The following P3H2 variants were observed in gnomAD, a reference collection of about 807,000 sequenced individuals.
P3H2 encodes the protein prolyl 3-hydroxylase 2, also known as leprecan-like 1.
Under a neutral mutation model 87.0 loss-of-function variants are expected in P3H2, and 80 were observed. The ratio of observed to expected loss-of-function variants is 0.92; its 90% CI spans 0.77 to 1.11. The LOEUF is 1.11. P3H2 is among the 50% of genes least tolerant of loss of function. The pLI, the probability that P3H2 is intolerant of heterozygous loss-of-function variation, is 0.00. For missense variants in P3H2, 1,001 were observed against 923.9 expected (o/e 1.08, Z -1.08); for synonymous variants, 367 against 359.3 (o/e 1.02, Z -0.24).
At chr3:190,051,307 T>C (rs935398921) in intron 1 of P3H2, among the ~76,000 whole-genome samples, 5 of 152,108 alleles carry the variant, frequency 3.3e-5, no homozygotes, top group Non-Finnish European at 7.4e-5. Flanking sequence ...TAACATTTGT[T>C]TTTTCTCTAT....
intron 1 of P3H2, among the ~76,000 whole-genome samples, chr3:190,020,622 G>A (rs1309953639): frequency 7.5e-6 from 1 of 133,462 alleles, no homozygotes; most frequent in African/African-American, 2.6e-5. Context: ...TCTCATCAGT[G>A]CCAGATACAC....
intron 1 of P3H2, among the ~76,000 whole-genome samples, chr3:190,027,101 G>C (rs561091534): frequency 6.6e-6 from 1 of 152,222 alleles, no homozygotes; most frequent in African/African-American, 2.4e-5. Flanking sequence ...ACTTACATAT[G>C]ACAAAACTGA....
intron 8 of P3H2, among the ~76,000 whole-genome samples, chr3:189,976,093 T>G (rs906240685): frequency 6.9e-6 from 1 of 144,158 alleles, no homozygotes; most frequent in Admixed American, 7.1e-5. Flanking sequence ...AATAAAAAGC[T>G]ACCTTCCACA....
upstream of P3H2, chr3:190,121,445 T>C (rs1415595934): frequency 2.0e-5 from 3 of 152,074 alleles, no homozygotes; most frequent in Admixed American, 6.5e-5. Context: ...CCTAAATGCA[T>C]AGAGCTGAGA....
At chr3:189,974,475 C>T (rs1310839646) in intron 9 of P3H2, 83 bp downstream of exon 9, 6 of 1,565,198 alleles carry the variant, frequency 3.8e-6, no homozygotes, top group Middle Eastern at 4.6e-4. Flanking sequence ...TGTTGTCTGG[C>T]TCCAGATGAG....
At chr3:190,004,251 C>T (rs1015439760) in intron 1 of P3H2, among the ~76,000 whole-genome samples, 3 of 152,060 alleles carry the variant, frequency 2.0e-5, no homozygotes, top group Non-Finnish European at 4.4e-5. Flanking sequence ...ATAAAAATGG[C>T]CATTTATTGA....
chr3:189,980,599 G>T (rs1467503859), intron 8 of P3H2, among the ~76,000 whole-genome samples: 1 of 152,068 alleles, frequency 6.6e-6, no homozygotes, highest in African/African-American at 2.4e-5. Context: ...GTGTTTTCTG[G>T]TTGGAAACTT....
Position 189,988,824 on chromosome 3 carries a change from G to GA in P3H2, c.955+82dup. 7 of 1,538,802 alleles carry GA rather than the reference G, an allele frequency of 4.5e-6. No homozygotes were observed. The South Asian group carries it at 5.6e-5, about 12-fold the overall frequency. On this transcript the variant is annotated intron_variant, in intron 4 of 14. Transcript: ENST00000319332. ...CTTTCATAATAAACTGAAGAAGTCA[G>GA]AAAACTCAATTACAAAAATGTGATG... is the stretch of plus-strand genomic sequence containing the variant.
intron 1 of P3H2, among the ~76,000 whole-genome samples, chr3:190,044,099 AT>A (rs1243202200): frequency 6.6e-6 from 1 of 152,212 alleles, no homozygotes; most frequent in Non-Finnish European, 1.5e-5. Context: ...ACCTCTTAAA[AT>A]AAATGCAGGG....
intron 1 of P3H2, among the ~76,000 whole-genome samples, chr3:190,093,975 G>A (rs1234643551): frequency 2.0e-5 from 3 of 150,582 alleles, no homozygotes; most frequent in African/African-American, 7.5e-5. Context: ...TATCAACTTG[G>A]CTCCCAAGAA....
intron 1 of P3H2, among the ~76,000 whole-genome samples, chr3:190,023,059 C>T (rs1388594328): frequency 6.6e-6 from 1 of 152,066 alleles, no homozygotes; most frequent in Non-Finnish European, 1.5e-5. Context: ...ATCTCCTGAC[C>T]TCACGATCCG....
chr3:190,095,956 C>T (rs893459531), intron 1 of P3H2, among the ~76,000 whole-genome samples: 1 of 147,828 alleles, frequency 6.8e-6, no homozygotes, highest in African/African-American at 2.5e-5. Context: ...CAAGTAAATA[C>T]AGCATAAAAG....
At chr3:190,061,673 C>A (rs1343169857) in intron 1 of P3H2, among the ~76,000 whole-genome samples, 1 of 152,122 alleles carries the variant, frequency 6.6e-6, no homozygotes, top group Admixed American at 6.6e-5. Flanking sequence ...CACTCATATC[C>A]CTTAGCCTTG....
chr3:190,105,930 C>T (rs1711815654), intron 1 of P3H2, among the ~76,000 whole-genome samples: 1 of 152,196 alleles, frequency 6.6e-6, no homozygotes, highest in Admixed American at 6.5e-5. Context: ...TTGTGAGCTA[C>T]TCTCCCATTT....
At chr3:190,076,617 A>G (rs1025842784) in intron 1 of P3H2, among the ~76,000 whole-genome samples, 7 of 152,232 alleles carry the variant, frequency 4.6e-5, no homozygotes. Flanking sequence ...TCCCAGAACC[A>G]AATAAAGCTG....
intron 1 of P3H2, among the ~76,000 whole-genome samples, chr3:190,030,046 C>T (rs1725206441): frequency 6.6e-6 from 1 of 151,306 alleles, no homozygotes; most frequent in African/African-American, 2.4e-5. Context: ...ATGTGCTGAA[C>T]TATCAGGCTA....
chr3:189,985,620 A>G (rs919169887), intron 6 of P3H2, among the ~76,000 whole-genome samples: 1 of 149,434 alleles, frequency 6.7e-6, no homozygotes, highest in Non-Finnish European at 1.5e-5. Context: ...TTATAAATAA[A>G]TTAATAATAA....
At position 189,987,541 on chromosome 3, in the gene P3H2, T is replaced by A; in HGVS notation, c.1084A>T (p.Ile362Phe). The A allele has an allele frequency of 6.2e-7, 1 of 1,613,360 alleles. No individual in the cohort carries two copies. The highest frequency in any genetic ancestry group is 8.5e-7 in the Non-Finnish European group (1 of 1,179,696). ...LLDDSIDPAS[I>F]EAREDLTMFV... is the part of the protein sequence containing the mutation. Reference sequence around the variant, plus strand: ...ATTGGTCTCACCTCTCTGGCCTCAATGGATGCCGGGTCAATGCTATCATCC... The same window carrying A: ...ATTGGTCTCACCTCTCTGGCCTCAAAGGATGCCGGGTCAATGCTATCATCC... Residue 362 changes from isoleucine to phenylalanine, a missense_variant, in exon 5 of 15, where the codon ATT becomes TTT. Ile to Phe is a conservative substitution (Grantham distance 21). Transcript: ENST00000319332.
Position 189,957,425 on chromosome 3 carries a change from A to C in P3H2, c.*487T>G. The C allele has an allele frequency of 2.8e-6, 1 of 358,656 alleles. No homozygotes were observed. The highest frequency in any genetic ancestry group is 4.9e-6 in the Non-Finnish European group (1 of 203,966). 22.2% of individuals were successfully genotyped at this position (358,656 alleles called of 1,614,324 possible). A position where few individuals can be genotyped will look rare whatever the true frequency, so the allele number is the denominator to read the frequency against. On this transcript the variant is annotated 3_prime_UTR_variant, in exon 15 of 15. Coordinates refer to ENST00000319332, the MANE Select transcript of P3H2 (RefSeq NM_018192.4). ...AAGCTTATTCTCTCTAAGCTTTTGA[A>C]TTTGCAGCAACTTAATTGTGTGTGT...
Sources: gnomAD v4.1 joint callset for allele counts (sites outside exome capture counted in the v4.1 genomes callset) on GRCh38, gnomAD v4.1.1 for gene constraint, MANE v1.5 for transcripts, NCBI Gene and HGNC (gene_info 2026-07-23, HGNC 2026-07-21) for gene names.